CDK14: variants seen among roughly 807,000 people sequenced by gnomAD.
The protein encoded by CDK14 is cyclin dependent kinase 14, also known as cyclin-dependent kinase 14.
CDK14 carries 34 observed loss-of-function variants against 60.7 expected under a neutral mutation model. That is an observed-to-expected ratio of 0.56 (90% CI 0.43 to 0.75). The LOEUF (loss-of-function observed/expected upper bound fraction) is 0.75. CDK14 is among the 30% of genes least tolerant of loss of function. The pLI is 0.00. For synonymous variants in CDK14, 197 were observed against 203.7 expected, an observed-to-expected ratio of 0.97 and a Z score of 0.28; for missense variants, 482 against 564.1, an observed-to-expected ratio of 0.85 and a Z score of 1.47.
At chr7:90,661,067 A>G in intron 2 of CDK14, among the ~76,000 whole-genome samples, 1 of 152,222 alleles carries the variant, frequency 6.6e-6, no homozygotes, top group Admixed American at 6.5e-5. Flanking sequence ...GATGGAACAG[A>G]CATTCGTCAT....
intron 4 of CDK14, among the ~76,000 whole-genome samples, chr7:90,781,799 A>G (rs1805335082): frequency 6.6e-6 from 1 of 152,148 alleles, no homozygotes; most frequent in South Asian, 2.1e-4. Context: ...TACCAGTACC[A>G]TGCTGTTTTG....
chr7:90,620,256 C>G (rs966095986), intron 2 of CDK14, among the ~76,000 whole-genome samples: 4 of 152,168 alleles, frequency 2.6e-5, no homozygotes, highest in African/African-American at 9.7e-5. Flanking sequence ...ATTAACTTAT[C>G]AAATTAATTA....
intron 2 of CDK14, among the ~76,000 whole-genome samples, chr7:90,691,659 T>G (rs1801555367): frequency 6.6e-6 from 1 of 152,128 alleles, no homozygotes; most frequent in Admixed American, 6.6e-5. Flanking sequence ...AAGATGACTT[T>G]TTCAGCTATT....
chr7:91,148,843 G>A (rs1800738100), intron 14 of CDK14, among the ~76,000 whole-genome samples: 1 of 152,090 alleles, frequency 6.6e-6, no homozygotes, highest in Admixed American at 6.5e-5. Flanking sequence ...CAGGCACTAT[G>A]GGAGATATAC....
chr7:90,819,459 A>G (rs941957563), intron 5 of CDK14, among the ~76,000 whole-genome samples: 6 of 151,758 alleles, frequency 4.0e-5, no homozygotes, highest in Non-Finnish European at 7.4e-5. Flanking sequence ...ACTAACTGCA[A>G]TTTGTGTTTT....
intron 9 of CDK14, among the ~76,000 whole-genome samples, chr7:90,977,236 G>A (rs900814330): frequency 4.6e-5 from 7 of 152,026 alleles, no homozygotes; most frequent in African/African-American, 1.7e-4. Flanking sequence ...AAACACTGGG[G>A]GTTCAGCCTA....
chr7:90,651,799 T>C (rs1800649335), intron 2 of CDK14, among the ~76,000 whole-genome samples: 1 of 152,166 alleles, frequency 6.6e-6, no homozygotes, highest in Non-Finnish European at 1.5e-5. Flanking sequence ...ATCTGGCCTC[T>C]TAGAGCAGGC....
intron 12 of CDK14, among the ~76,000 whole-genome samples, chr7:91,103,844 A>AGAGAGAG (rs1562905796): frequency 8.7e-4 from 126 of 144,898 alleles, no homozygotes; most frequent in African/African-American, 2.8e-3. Context: ...GAGAGAGAGA[A>AGAGAGAG]AGAGAGAGAG....
intron 13 of CDK14, among the ~76,000 whole-genome samples, chr7:91,113,262 TACAGACTG>T (rs1774766794): frequency 3.3e-5 from 5 of 152,238 alleles, no homozygotes; most frequent in Admixed American, 3.3e-4. Flanking sequence ...AATTGACATG[TACAGACTG>T]AAGACATGTA....
intron 3 of CDK14, among the ~76,000 whole-genome samples, chr7:90,734,929 T>C (rs1290350020): frequency 6.6e-6 from 1 of 152,186 alleles, no homozygotes; most frequent in Non-Finnish European, 1.5e-5. Context: ...TTGCGCTGGT[T>C]TCTCCCCATC....
chr7:91,048,330 G>T (rs1319779905), intron 11 of CDK14, among the ~76,000 whole-genome samples: 1 of 152,042 alleles, frequency 6.6e-6, no homozygotes, highest in Non-Finnish European at 1.5e-5. Context: ...TCACTGCAAG[G>T]AGGAGGCCAA....
At chr7:90,757,057 G>A (rs1177068034) in intron 4 of CDK14, among the ~76,000 whole-genome samples, 1 of 152,118 alleles carries the variant, frequency 6.6e-6, no homozygotes, top group Non-Finnish European at 1.5e-5. Flanking sequence ...TGAAATCAAG[G>A]TGTCTGCAGG....
intron 9 of CDK14, among the ~76,000 whole-genome samples, chr7:90,974,251 G>A (rs536906287): frequency 6.6e-6 from 1 of 152,098 alleles, no homozygotes; most frequent in East Asian, 1.9e-4. Context: ...CCTGAAAATT[G>A]CTGTTATTCT....
intron 14 of CDK14, among the ~76,000 whole-genome samples, chr7:91,125,678 GA>G (rs1408464176): frequency 2.7e-5 from 4 of 150,070 alleles, no homozygotes; most frequent in African/African-American, 7.3e-5. Context: ...ACACAATCTA[GA>G]AAAAAAAATA....
chr7:90,805,745 T>C (rs893127523), intron 5 of CDK14, among the ~76,000 whole-genome samples: 2 of 152,086 alleles, frequency 1.3e-5, no homozygotes, highest in Admixed American at 6.6e-5. Context: ...CCTGTCAAAA[T>C]CCCAGCCAGC....
At chr7:91,140,188 G>C (rs910301813) in intron 14 of CDK14, among the ~76,000 whole-genome samples, 3 of 152,196 alleles carry the variant, frequency 2.0e-5, no homozygotes, top group Admixed American at 6.5e-5. Flanking sequence ...ATCATGGAGA[G>C]AGACAATCTC....
chr7:90,911,288 T>A (rs1032798103), intron 7 of CDK14, among the ~76,000 whole-genome samples: 1 of 152,238 alleles, frequency 6.6e-6, no homozygotes, highest in Non-Finnish European at 1.5e-5. Context: ...TGGAATGATG[T>A]AATTTAACAA....
At chr7:91,053,871 T>A (rs1034417069) in intron 11 of CDK14, among the ~76,000 whole-genome samples, 2 of 152,140 alleles carry the variant, frequency 1.3e-5, no homozygotes, top group Admixed American at 1.3e-4. Flanking sequence ...GGGAGGCCTG[T>A]GAAGTGCTGA....
chr7:90,871,128 A>G (rs1791359532), intron 6 of CDK14, among the ~76,000 whole-genome samples: 1 of 152,152 alleles, frequency 6.6e-6, no homozygotes, highest in Non-Finnish European at 1.5e-5. Flanking sequence ...TGACTCAGAT[A>G]GTGGTGGTGA....
Sources: gnomAD v4.1 joint callset for allele counts (sites outside exome capture counted in the v4.1 genomes callset) on GRCh38, gnomAD v4.1.1 for gene constraint, MANE v1.5 for transcripts, NCBI Gene and HGNC (gene_info 2026-07-23, HGNC 2026-07-21) for gene names.